The following ANXA4 variants were observed in gnomAD, a reference collection of about 807,000 sequenced individuals.
The protein encoded by ANXA4 is 35-beta calcimedin.
Under a neutral mutation model 49.8 loss-of-function variants are expected in ANXA4, and 39 were observed. The ratio of observed to expected loss-of-function variants is 0.78; its 90% confidence interval spans 0.61 to 1.02. The LOEUF is 1.02. Ranked by LOEUF, ANXA4 falls within the 50% of genes least tolerant of loss-of-function variation. The probability of loss-of-function intolerance (pLI) is 0.00; values close to 1 mark genes in which losing one functional copy is unlikely to be tolerated. For synonymous variants in ANXA4, 134 were observed against 152.5 expected, an observed-to-expected ratio of 0.88 and a Z score of 0.89; for missense variants, 360 against 410.1, an observed-to-expected ratio of 0.88 and a Z score of 1.05.
intron 2 of ANXA4, among the ~76,000 whole-genome samples, chr2:69,708,094 T>C (rs1188898512): frequency 6.6e-6 from 1 of 152,226 alleles, no homozygotes; most frequent in Non-Finnish European, 1.5e-5. Context: ...AAAGAGGTGC[T>C]AGTGCTTAAG....
At chr2:69,736,917 T>G (rs1242841665) in intron 3 of ANXA4, among the ~76,000 whole-genome samples, 1 of 152,210 alleles carries the variant, frequency 6.6e-6, no homozygotes, top group African/African-American at 2.4e-5. Context: ...TTCTCATGCT[T>G]CAGCCTCCTG....
chr2:69,651,566 A>C (rs1486961702), intron 1 of ANXA4, among the ~76,000 whole-genome samples: 1 of 142,348 alleles, frequency 7.0e-6, no homozygotes, highest in Non-Finnish European at 1.6e-5. Context: ...GCAGTGGCGC[A>C]ATCTCGGCTC....
At chr2:69,761,864 G>T (rs1376639498) in intron 1 of ANXA4, among the ~76,000 whole-genome samples, 1 of 151,076 alleles carries the variant, frequency 6.6e-6, no homozygotes, top group Non-Finnish European at 1.5e-5. Flanking sequence ...ACTCAAACTT[G>T]TGCTGTCTGT....
At chr2:69,817,347 A>C (rs1674041771) in intron 9 of ANXA4, 1 of 152,258 alleles carries the variant, frequency 6.6e-6, no homozygotes, top group African/African-American at 2.4e-5. Context: ...ATTTCATAAT[A>C]ACTACCGTTT....
chr2:69,749,986 ACTT>A (rs1670773546), intron 1 of ANXA4, among the ~76,000 whole-genome samples: 1 of 152,040 alleles, frequency 6.6e-6, no homozygotes, highest in Non-Finnish European at 1.5e-5. Flanking sequence ...TGCATTAAAT[ACTT>A]CTAGGAGGAT....
At chr2:69,781,676 C>G in intron 2 of ANXA4, 102 bp downstream of exon 2, 1 of 1,368,264 alleles carries the variant, frequency 7.3e-7, no homozygotes, top group Non-Finnish European at 1.0e-6. Flanking sequence ...GTTTACTCAA[C>G]AGAGGGGAAG....
At chr2:69,646,622 CTT>C (rs1483386030) in intron 1 of ANXA4, among the ~76,000 whole-genome samples, 2 of 152,186 alleles carry the variant, frequency 1.3e-5, no homozygotes, top group Non-Finnish European at 2.9e-5. Flanking sequence ...GGAACAGACT[CTT>C]TGAGGCAATA....
intron 2 of ANXA4, among the ~76,000 whole-genome samples, chr2:69,717,638 G>A (rs540418716): frequency 2.0e-5 from 3 of 152,216 alleles, no homozygotes; most frequent in East Asian, 1.9e-4. Flanking sequence ...TTAACTCCAC[G>A]TATCTAACTG....
chr2:69,762,742 T>C (rs761392304), intron 1 of ANXA4, among the ~76,000 whole-genome samples: 4 of 152,168 alleles, frequency 2.6e-5, no homozygotes, highest in African/African-American at 4.8e-5. Context: ...GGGCCAGCTA[T>C]GGGCCTACCT....
chr2:69,712,947 A>G (rs1337230700), intron 2 of ANXA4, among the ~76,000 whole-genome samples: 1 of 152,178 alleles, frequency 6.6e-6, no homozygotes, highest in East Asian at 1.9e-4. Flanking sequence ...TTTGGGGCCA[A>G]TGAAGATCCC....
At chr2:69,730,863 C>T (rs73935683) in intron 3 of ANXA4, among the ~76,000 whole-genome samples, 7,524 of 152,162 alleles carry the variant, frequency 0.049, 552 homozygotes, top group African/African-American at 0.16. Flanking sequence ...AATGTAGGAA[C>T]GGGAGGAGGC....
At chr2:69,740,372 A>G (rs1192456878), upstream of ANXA4, among the ~76,000 whole-genome samples, 1 of 152,062 alleles carries the variant, frequency 6.6e-6, no homozygotes, top group African/African-American at 2.4e-5. Context: ...GTGTCTCTCT[A>G]ATCTTGCTTA....
chr2:69,709,836 C>A (rs937317849), intron 2 of ANXA4, among the ~76,000 whole-genome samples: 1 of 152,186 alleles, frequency 6.6e-6, no homozygotes, highest in African/African-American at 2.4e-5. Flanking sequence ...CTGCTTCAAC[C>A]ATTTAATTAT....
chr2:69,699,566 C>G (rs1186775896), intron 2 of ANXA4, among the ~76,000 whole-genome samples: 1 of 152,008 alleles, frequency 6.6e-6, no homozygotes, highest in Admixed American at 6.6e-5. Flanking sequence ...TTCCTTGAGC[C>G]CAGGCTGCAG....
chr2:69,770,722 C>T (rs1193525342), intron 1 of ANXA4, among the ~76,000 whole-genome samples: 1 of 152,164 alleles, frequency 6.6e-6, no homozygotes, highest in Non-Finnish European at 1.5e-5. Flanking sequence ...AACCTGTACG[C>T]ACACACACAT....
intron 2 of ANXA4, among the ~76,000 whole-genome samples, chr2:69,660,322 G>T (rs1303405983): frequency 3.3e-5 from 5 of 152,088 alleles, no homozygotes; most frequent in African/African-American, 1.2e-4. Flanking sequence ...ACTTACAGGA[G>T]CAAACGTAAA....
At chr2:69,692,502 T>C (rs1440344741) in intron 2 of ANXA4, among the ~76,000 whole-genome samples, 1 of 152,216 alleles carries the variant, frequency 6.6e-6, no homozygotes, top group African/African-American at 2.4e-5. Context: ...TCCATAACAG[T>C]ATATATATTT....
At chr2:69,774,713 T>C (rs1165602956) in intron 1 of ANXA4, among the ~76,000 whole-genome samples, 1 of 152,140 alleles carries the variant, frequency 6.6e-6, no homozygotes, top group African/African-American at 2.4e-5. Context: ...AATACCCCGA[T>C]GATCATCAAG....
At chr2:69,754,281 A>G (rs1284893173) in intron 1 of ANXA4, among the ~76,000 whole-genome samples, 1 of 152,162 alleles carries the variant, frequency 6.6e-6, no homozygotes, top group Admixed American at 6.5e-5. Context: ...TTGGCGATCT[A>G]TACTTACGAA....
Sources: gnomAD v4.1 joint callset for allele counts (sites outside exome capture counted in the v4.1 genomes callset) on GRCh38, gnomAD v4.1.1 for gene constraint, MANE v1.5 for transcripts, NCBI Gene and HGNC (gene_info 2026-07-23, HGNC 2026-07-21) for gene names.